Variants in MCM3AP observed in about 807,000 individuals in gnomAD.
MCM3AP encodes the protein germinal-center associated nuclear protein.
MCM3AP carries 126 observed loss-of-function variants against 184.1 expected under a neutral mutation model. That is an observed-to-expected ratio of 0.68 (90% CI 0.59 to 0.79). The LOEUF (loss-of-function observed/expected upper bound fraction) is 0.79, where lower values mean the gene tolerates loss of function less well. Ranked by LOEUF, MCM3AP falls within the 30% of genes least tolerant of loss-of-function variation. MCM3AP has a pLI of 0.00. For synonymous variants in MCM3AP, 1,002 were observed against 979.3 expected (o/e 1.02, Z -0.43); for missense variants, 2,496 against 2,479.2 (o/e 1.01, Z -0.14).
chr21:46,264,245 T>C, intron 12 of MCM3AP, 28 bp from the exon 13 acceptor site: 2 of 1,429,058 alleles, frequency 1.4e-6, no homozygotes, highest in Middle Eastern at 2.2e-4. Flanking sequence ...TGGGGTGTAA[T>C]GGAACGTCCC....
Position 46,276,912 on chromosome 21 carries a change from ATTATTTAT to A in MCM3AP, c.1858+607_1858+614del, listed in dbSNP as rs1162667240. ...ACCACCGCACCCAGCCTGCTTATTT[ATTATTTAT>A]TTATTTATTGTAGAGATGGGGGTTT... On this transcript the variant is annotated intron_variant, in intron 5 of 27. Transcript: ENST00000291688. Among the ~76,000 whole-genome samples the A allele has an allele frequency of 4.6e-5, 7 of 150,710 alleles. No individual in the cohort carries two copies. In the South Asian group the frequency reaches 8.4e-4, roughly 18 times the overall value.
chr21:46,253,965 A>G (rs2080910604), intron 19 of MCM3AP: 1 of 206,594 alleles, frequency 4.8e-6, no homozygotes, highest in Non-Finnish European at 9.9e-6. Context: ...AGCTCTCACG[A>G]GATCTGGTTA....
Position 46,273,569 on chromosome 21 carries a change from G to A in MCM3AP, c.2015C>T (p.Ala672Val). ...PGTDQVDHAAAVKEYSRSSAD... is the reference protein window; with the variant it reads ...PGTDQVDHAAVVKEYSRSSAD... ...CGAGGACCGACTGTACTCTTTCACA[G>A]CTGCTGCGTGGTCCACCTAGAGACA... Residue 672 changes from alanine (A) to valine (V), a missense_variant, in exon 7 of 28, where the codon GCT (alanine) becomes GTT (valine). Coordinates refer to ENST00000291688, the MANE Select transcript of MCM3AP (RefSeq NM_003906.5). 1 of 1,613,746 alleles carries A rather than the reference G, an allele frequency of 6.2e-7. No homozygotes were observed. The highest frequency in any genetic ancestry group is 8.5e-7 in the Non-Finnish European group (1 of 1,179,828).
rs536948232 is a variant in MCM3AP at position 46,256,183 on chromosome 21, A to T, written c.3932+606T>A. ...GAGGTGGCACCTACATGGGTTCTAA[A>T]TAAAGGCCAAGCCCAGCATGGCCAG... On this transcript the variant is annotated intron_variant, in intron 17 of 27. Coordinates refer to ENST00000291688, the MANE Select transcript of MCM3AP (RefSeq NM_003906.5). 3.0e-3 allele frequency among the ~76,000 whole-genome samples: 462 copies of T among 152,078 alleles called. 4 individuals carry two copies. Among genetic ancestry groups the T allele is most frequent in the Non-Finnish European group, 5.8e-3 (391 of 67,980 alleles).
intron 20 of MCM3AP, chr21:46,250,215 T>C (rs1489250746): frequency 1.3e-5 from 2 of 152,196 alleles, no homozygotes; most frequent in Middle Eastern, 3.1e-3. Context: ...CTGAGGTGAA[T>C]AGCAGTCACA....
intron 23 of MCM3AP, among the ~76,000 whole-genome samples, chr21:46,244,269 T>C (rs17183276): frequency 2.4e-4 from 36 of 152,382 alleles, no homozygotes; most frequent in African/African-American, 8.4e-4. Flanking sequence ...CATGCCATAC[T>C]GGGCTTGAGC....
intron 8 of MCM3AP, among the ~76,000 whole-genome samples, chr21:46,271,376 T>C (rs912063766): frequency 6.7e-6 from 1 of 150,250 alleles, no homozygotes; most frequent in African/African-American, 2.4e-5. Flanking sequence ...TCACCCAGAC[T>C]GGAGGACAGT....
chr21:46,245,778 G>T (rs528057108), intron 22 of MCM3AP, among the ~76,000 whole-genome samples: 2 of 152,232 alleles, frequency 1.3e-5, no homozygotes, highest in South Asian at 4.2e-4. Flanking sequence ...GACTACAGGT[G>T]CGAGGAGCCA....
intron 16 of MCM3AP, among the ~76,000 whole-genome samples, chr21:46,258,737 A>ATGTGTGTGTGTGTGTGTGTGTGTGTG (rs55695472): frequency 4.7e-5 from 7 of 150,086 alleles, no homozygotes; most frequent in South Asian, 2.1e-4. Context: ...CTTATATTGT[A>ATGTGTGTGTGTGTGTGTGTGTGTGTG]TGTGTGTGTG....
At chr21:46,278,099 T>A (rs1360640446) in intron 4 of MCM3AP, among the ~76,000 whole-genome samples, 1 of 151,458 alleles carries the variant, frequency 6.6e-6, no homozygotes, top group Non-Finnish European at 1.5e-5. Flanking sequence ...TGCAGTGAGC[T>A]GAGATTATTA....
intron 11 of MCM3AP, 103 bp downstream of exon 11, chr21:46,265,822 T>C (rs1363999542): frequency 2.1e-6 from 3 of 1,402,950 alleles, no homozygotes; most frequent in Admixed American, 2.3e-5. Context: ...CTCAGGCTCC[T>C]GGGAGGCGTC....
chr21:46,265,465 T>C lies in MCM3AP; in HGVS notation c.3090A>G (p.Pro1030=), dbSNP rs994632638. The C allele has an allele frequency of 6.2e-7, 1 of 1,613,652 alleles. No homozygotes were observed. Among genetic ancestry groups the C allele is most frequent in the Non-Finnish European group, 8.5e-7 (1 of 1,179,758 alleles). ...VEPDAPLSSL[P]QSLPAPAPSP... Reference sequence around the variant, plus strand: ...AGGGCGCAGGGGCTGGTAGAGACTGTGGGAGACTGGACAGGGGTGCATCCG... The same window carrying C: ...AGGGCGCAGGGGCTGGTAGAGACTGCGGGAGACTGGACAGGGGTGCATCCG... Residue 1030 remains proline, a synonymous_variant, in exon 12 of 28, where the codon CCA becomes CCG. Coordinates refer to ENST00000291688, the MANE Select transcript of MCM3AP (RefSeq NM_003906.5).
At chr21:46,280,250 G>A in intron 3 of MCM3AP, 113 bp from the exon 4 acceptor site, 1 of 1,220,814 alleles carries the variant, frequency 8.2e-7, no homozygotes, top group Non-Finnish European at 1.2e-6. Flanking sequence ...CAGGAGGTTA[G>A]AGAAGAGCCC....
At chr21:46,248,034 A>G (rs1390625359) in intron 20 of MCM3AP, among the ~76,000 whole-genome samples, 1 of 152,200 alleles carries the variant, frequency 6.6e-6, no homozygotes, top group Non-Finnish European at 1.5e-5. Flanking sequence ...TCTAGAAAGC[A>G]GCAAATAGGT....
chr21:46,243,730 G>C lies in MCM3AP; in HGVS notation c.5039-8C>G. The C allele has an allele frequency of 6.2e-7, 1 of 1,612,794 alleles. No homozygotes were observed. Among genetic ancestry groups the C allele is most frequent in the Non-Finnish European group, 8.5e-7 (1 of 1,179,570 alleles). ...ACACGGGGAGCCAGGGGGCTGGGGA[G>C]AAAGTGCCTCATTAGTTACAGGTTT... On this transcript the variant is annotated splice_polypyrimidine_tract_variant and splice_region_variant and intron_variant, in intron 23 of 27. Coordinates refer to ENST00000291688, the MANE Select transcript of MCM3AP (RefSeq NM_003906.5).
At chr21:46,247,195 C>T in intron 20 of MCM3AP, 1 of 284,308 alleles carries the variant, frequency 3.5e-6, no homozygotes, top group Non-Finnish European at 6.7e-6. Context: ...CTCGAGCAGT[C>T]CTCCTGGTTC....
At position 46,265,968 on chromosome 21, in the gene MCM3AP, C is replaced by T. The variant is rs754802192; in HGVS notation, c.2988G>A (p.Ala996=). ...GTCTCTGGGTGCTGACGGGCAGCTCCGCGGCCAGGCTCTCCCCGATGTACT... is the reference window on the plus strand; with the variant it reads ...GTCTCTGGGTGCTGACGGGCAGCTCTGCGGCCAGGCTCTCCCCGATGTACT... ...QNKYIGESLA[A]ELPVSTQRPG... Residue 996 remains alanine (A), a synonymous_variant, in exon 11 of 28, where the codon GCG becomes GCA. Transcript: ENST00000291688. 1.8e-5 allele frequency: 29 copies of T among 1,600,950 alleles called. No homozygotes were observed. Among genetic ancestry groups the T allele is most frequent in the East Asian group, 1.3e-4 (6 of 44,554 alleles).
At chr21:46,236,697 A>G in intron 27 of MCM3AP, 132 bp downstream of exon 27, 1 of 627,376 alleles carries the variant, frequency 1.6e-6, no homozygotes, top group Non-Finnish European at 2.7e-6. Context: ...GTTTAAGAAA[A>G]GGTCTAATTT....
chr21:46,254,866 C>T (rs1330703725), intron 17 of MCM3AP, 22 bp from the exon 18 acceptor site: 14 of 1,599,270 alleles, frequency 8.8e-6, no homozygotes, highest in Non-Finnish European at 1.1e-5. Context: ...AGCAGAATGA[C>T]AGTGTCCCCG....
Sources: allele counts gnomAD v4.1 joint callset (sites outside exome capture counted in the v4.1 genomes callset), GRCh38; gene constraint gnomAD v4.1.1; transcripts MANE v1.5; gene names NCBI Gene and HGNC (gene_info 2026-07-23, HGNC 2026-07-21).